Variants in POF1B observed in about 807,000 individuals in gnomAD.
POF1B encodes the protein protein POF1B.
POF1B carries 53 observed loss-of-function variants against 55.3 expected under a neutral mutation model. That is an observed-to-expected ratio of 0.96 (90% CI 0.77 to 1.20). The LOEUF (loss-of-function observed/expected upper bound fraction) is 1.20, where lower values mean the gene tolerates loss of function less well. POF1B is among the 50% of genes most tolerant of loss of function. The probability of loss-of-function intolerance (pLI) is 0.00; values close to 1 mark genes in which losing one functional copy is unlikely to be tolerated. For synonymous variants in POF1B, 188 were observed against 148.3 expected (o/e 1.27, Z -1.95); for missense variants, 478 against 420.5 (o/e 1.14, Z -1.20).
intron 9 of POF1B, among the ~76,000 whole-genome samples, chrX:85,309,394 T>C (rs1932650445): frequency 9.0e-6 from 1 of 110,985 alleles, no homozygotes; most frequent in Non-Finnish European, 1.9e-5. Context: ...AAAAAATACT[T>C]TTCCCTAGCC....
intron 2 of POF1B, among the ~76,000 whole-genome samples, chrX:85,378,251 G>A (rs1404440550): frequency 4.5e-5 from 5 of 111,448 alleles, no homozygotes; most frequent in African/African-American, 1.6e-4. Context: ...ATGTAACATA[G>A]CATCATATCC....
At chrX:85,285,290 C>A (rs182292745) in intron 15 of POF1B, among the ~76,000 whole-genome samples, 1,113 of 111,231 alleles carry the variant, frequency 0.01, 7 homozygotes, top group Middle Eastern at 0.019. Context: ...ACCCAGCCAT[C>A]CCATTACTGG....
At chrX:85,299,671 AT>A (rs1201515013) in intron 15 of POF1B, among the ~76,000 whole-genome samples, 2 of 87,844 alleles carry the variant, frequency 2.3e-5, no homozygotes, top group East Asian at 3.7e-4. Context: ...CGCCTGGCTA[AT>A]TTTTTTTTTG....
intron 6 of POF1B, among the ~76,000 whole-genome samples, chrX:85,336,949 A>T (rs1394741417): frequency 1.8e-5 from 2 of 111,552 alleles, no homozygotes; most frequent in Non-Finnish European, 3.8e-5. Context: ...TTATGTCTTT[A>T]GTCCATTTTG....
At chrX:85,351,258 G>C in intron 5 of POF1B, 92 bp downstream of exon 5, 1 of 532,413 alleles carries the variant, frequency 1.9e-6, no homozygotes, top group Non-Finnish European at 3.0e-6. Context: ...GTCTTGCCTT[G>C]CACTTCAGAG....
At chrX:85,355,944 C>A (rs991403788) in intron 4 of POF1B, among the ~76,000 whole-genome samples, 2 of 111,372 alleles carry the variant, frequency 1.8e-5, no homozygotes, top group Non-Finnish European at 3.8e-5. Flanking sequence ...TTTGACCCAG[C>A]CATCCCATTA....
Position 85,351,454 on chromosome X carries a change from A to G in POF1B, c.439-3T>C. On this transcript the variant is annotated splice_polypyrimidine_tract_variant and splice_region_variant and intron_variant, in intron 4 of 16. Coordinates refer to ENST00000262753, the MANE Select transcript of POF1B (RefSeq NM_024921.4). ...CTTAGGAATTGAGACAGTGGTTCCT[A>G]AAATGATAGTAAATTATATGTTTTG... 1 of 1,141,977 alleles carries G rather than the reference A, an allele frequency of 8.8e-7. No individual in the cohort carries two copies. The highest frequency in any genetic ancestry group is 1.2e-6 in the Non-Finnish European group (1 of 840,509). 94.1% of individuals were successfully genotyped at this position (1,141,977 alleles called of 1,213,427 possible).
At chrX:85,283,478 A>G (rs1259869780) in intron 15 of POF1B, among the ~76,000 whole-genome samples, 1 of 111,088 alleles carries the variant, frequency 9.0e-6, no homozygotes, top group Non-Finnish European at 1.9e-5. Flanking sequence ...TTACAAAAAG[A>G]CCGATAAATT....
intron 6 of POF1B, among the ~76,000 whole-genome samples, chrX:85,332,493 C>G (rs904357166): frequency 9.9e-5 from 11 of 111,138 alleles, no homozygotes; most frequent in Non-Finnish European, 1.9e-4. Context: ...TTAGGTTACA[C>G]TCCATACTAC....
chrX:85,297,304 T>C (rs1391448446), intron 15 of POF1B, among the ~76,000 whole-genome samples: 2 of 112,545 alleles, frequency 1.8e-5, no homozygotes, highest in African/African-American at 6.5e-5. Context: ...ACTTTTTGAA[T>C]TGCCAGAGTT....
At chrX:85,366,216 G>A (rs934972497) in intron 3 of POF1B, among the ~76,000 whole-genome samples, 5 of 111,254 alleles carry the variant, frequency 4.5e-5, no homozygotes, top group Non-Finnish European at 9.4e-5. Flanking sequence ...TTATGGAGAG[G>A]GGGAAGATTG....
chrX:85,294,973 A>G (rs1474221792), intron 15 of POF1B, among the ~76,000 whole-genome samples: 1 of 111,421 alleles, frequency 9.0e-6, no homozygotes, highest in Admixed American at 9.5e-5. Context: ...GTTTTTATGA[A>G]TTTATCCATT....
chrX:85,293,019 C>A (rs1212029652), intron 15 of POF1B, among the ~76,000 whole-genome samples: 6 of 111,447 alleles, frequency 5.4e-5, no homozygotes, highest in Non-Finnish European at 1.1e-4. Flanking sequence ...ATTAAAAAGT[C>A]AAAAATGACA....
At chrX:85,318,839 T>C (rs1932809943) in intron 7 of POF1B, among the ~76,000 whole-genome samples, 1 of 111,812 alleles carries the variant, frequency 8.9e-6, no homozygotes, top group Non-Finnish European at 1.9e-5. Context: ...CTTAGGATTG[T>C]CTTGCTATTC....
chrX:85,378,416 A>G (rs1933956586), intron 2 of POF1B, among the ~76,000 whole-genome samples: 1 of 111,967 alleles, frequency 8.9e-6, no homozygotes, highest in African/African-American at 3.2e-5. Context: ...TTGCAGGGTT[A>G]CCTTGTATTT....
chrX:85,280,724 T>C (rs1931877304), intron 16 of POF1B, among the ~76,000 whole-genome samples: 1 of 111,342 alleles, frequency 9.0e-6, no homozygotes, highest in Admixed American at 9.6e-5. Flanking sequence ...ACTAGAATCC[T>C]CAAACATTTC....
chrX:85,356,531 A>T (rs755518270), intron 4 of POF1B, among the ~76,000 whole-genome samples: 6 of 110,480 alleles, frequency 5.4e-5, no homozygotes, highest in Non-Finnish European at 9.5e-5. Flanking sequence ...TTTTCGCCAT[A>T]TTACTTGAAA....
rs772818221 is a variant in POF1B at position 85,327,422 on chromosome X, G to A, written c.854+3527C>T. On this transcript the variant is annotated intron_variant, in intron 7 of 16. Transcript: ENST00000262753. ...TAATACATTGCCTACAGAGACAAGAGGGTCACTTACTGTGCAAAACCTCTT... is the reference window on the plus strand; with the variant it reads ...TAATACATTGCCTACAGAGACAAGAAGGTCACTTACTGTGCAAAACCTCTT... 2.5e-4 allele frequency among the ~76,000 whole-genome samples: 28 copies of A among 111,758 alleles called. No homozygotes were observed. In the East Asian group the frequency reaches 5.9e-3, roughly 24 times the overall value.
intron 15 of POF1B, among the ~76,000 whole-genome samples, chrX:85,298,701 C>T (rs1471487948): frequency 8.9e-6 from 1 of 111,819 alleles, no homozygotes; most frequent in Non-Finnish European, 1.9e-5. Context: ...TCTTGTCCCT[C>T]TCTCCAGAAA....
Sources: gnomAD v4.1 joint callset for allele counts (sites outside exome capture counted in the v4.1 genomes callset) on GRCh38, gnomAD v4.1.1 for gene constraint, MANE v1.5 for transcripts, NCBI Gene and HGNC (gene_info 2026-07-23, HGNC 2026-07-21) for gene names.